Variants in CTNNA3 observed in about 807,000 individuals in gnomAD.
The protein encoded by CTNNA3 is catenin alpha-3.
Under a neutral mutation model 95.7 loss-of-function variants are expected in CTNNA3, and 76 were observed. The observed-to-expected ratio is 0.79, with a 90% CI of 0.66 to 0.96. The LOEUF (loss-of-function observed/expected upper bound fraction) is 0.96. Among genes scored for constraint, CTNNA3 ranks in the 40% least tolerant of loss-of-function variants. The pLI is 0.00. For missense variants in CTNNA3, 1,191 were observed against 1,089.8 expected (o/e 1.09, Z -1.31); for synonymous variants, 431 against 374.4 (o/e 1.15, Z -1.74).
chr10:67,685,651 G>C (rs1373287823), intron 1 of CTNNA3, among the ~76,000 whole-genome samples: 1 of 152,214 alleles, frequency 6.6e-6, no homozygotes, highest in Non-Finnish European at 1.5e-5. Flanking sequence ...GGTGGTATTT[G>C]AGTGTTATAG....
intron 9 of CTNNA3, among the ~76,000 whole-genome samples, chr10:66,666,785 G>A (rs1368436775): frequency 1.4e-5 from 2 of 144,462 alleles, no homozygotes; most frequent in African/African-American, 5.2e-5. Context: ...CCAAGAGGCT[G>A]AAAACTGGTT....
At chr10:67,726,431 T>TATATAA (rs1564841137) in intron 1 of CTNNA3, among the ~76,000 whole-genome samples, 4 of 5,318 alleles carry the variant, frequency 7.5e-4, no homozygotes, top group Non-Finnish European at 1.3e-3. Context: ...ATATATTATA[T>TATATAA]CATATATAAT....
chr10:66,895,914 CAAAAA>C (rs869248195), intron 7 of CTNNA3, among the ~76,000 whole-genome samples: 7 of 80,200 alleles, frequency 8.7e-5, no homozygotes, highest in Admixed American at 2.7e-4. Context: ...CCTGTCTCTA[CAAAAA>C]AAAAAAAAAA....
intron 9 of CTNNA3, among the ~76,000 whole-genome samples, chr10:66,659,294 A>T (rs182693726): frequency 5.9e-5 from 9 of 152,196 alleles, no homozygotes; most frequent in Non-Finnish European, 7.4e-5. Flanking sequence ...ATAGAAACTG[A>T]CTAGGTATTT....
intron 7 of CTNNA3, among the ~76,000 whole-genome samples, chr10:66,914,130 C>CTTTTT (rs3056545): frequency 8.3e-6 from 1 of 120,270 alleles, no homozygotes. Context: ...AGGGTGCCTT[C>CTTTTT]TTTTTTTTTT....
intron 15 of CTNNA3, among the ~76,000 whole-genome samples, chr10:66,005,432 A>G (rs2078860080): frequency 6.6e-6 from 1 of 152,208 alleles, no homozygotes; most frequent in East Asian, 1.9e-4. Context: ...ATTTTTTAAC[A>G]TGACCTATAT....
At position 67,724,894 on chromosome 10, in the gene CTNNA3, T is replaced by C. The variant is rs546867075; in HGVS notation, c.-2+38540A>G. Among the ~76,000 whole-genome samples, 5 of 152,270 alleles carry C rather than the reference T, an allele frequency of 3.3e-5. No homozygotes were observed. In the East Asian group the frequency reaches 7.7e-4, roughly 23 times the overall value. On this transcript the variant is annotated intron_variant, in intron 1 of 17. Coordinates refer to the CTNNA3 transcript ENST00000684154. Reference sequence around the variant, plus strand: ...AGGAAAGTTTCCAAATACATATTTATACAACAACTTGCCAGTGCTCACGTA... The same window carrying C: ...AGGAAAGTTTCCAAATACATATTTACACAACAACTTGCCAGTGCTCACGTA...
chr10:67,504,296 C>G (rs1451535904), intron 5 of CTNNA3, among the ~76,000 whole-genome samples: 6 of 149,272 alleles, frequency 4.0e-5, no homozygotes, highest in African/African-American at 1.2e-4. Flanking sequence ...ACTAAAAATA[C>G]AAAAAAATTG....
chr10:67,265,490 G>T (rs75217723), intron 5 of CTNNA3, among the ~76,000 whole-genome samples: 2,366 of 152,152 alleles, frequency 0.016, 67 homozygotes, highest in African/African-American at 0.052. Flanking sequence ...TTTAAAAGGG[G>T]AATAAAGATA....
At chr10:67,524,682 ATAAT>A (rs1840090114) in intron 4 of CTNNA3, among the ~76,000 whole-genome samples, 1 of 152,136 alleles carries the variant, frequency 6.6e-6, no homozygotes, top group African/African-American at 2.4e-5. Context: ...GCTTACAACA[ATAAT>A]TAATTGTCAA....
chr10:67,429,427 A>C (rs1401851041), intron 5 of CTNNA3, among the ~76,000 whole-genome samples: 1 of 152,010 alleles, frequency 6.6e-6, no homozygotes, highest in African/African-American at 2.4e-5. Flanking sequence ...AAAGACCCAG[A>C]GTTCTGTTTT....
At chr10:66,523,483 A>G (rs543477023) in intron 10 of CTNNA3, among the ~76,000 whole-genome samples, 14 of 152,330 alleles carry the variant, frequency 9.2e-5, no homozygotes, top group African/African-American at 2.9e-4. Context: ...TTTAGGGCAG[A>G]AAAATGTTCA....
chr10:66,293,557 C>G (rs1274229055), intron 12 of CTNNA3, among the ~76,000 whole-genome samples: 1 of 151,992 alleles, frequency 6.6e-6, no homozygotes, highest in Non-Finnish European at 1.5e-5. Flanking sequence ...TCTAACATGA[C>G]TAGTAGTGAG....
At chr10:67,626,121 C>G (rs1297713174) in intron 2 of CTNNA3, among the ~76,000 whole-genome samples, 1 of 150,858 alleles carries the variant, frequency 6.6e-6, no homozygotes, top group Non-Finnish European at 1.5e-5. Context: ...ATCAAGGCTG[C>G]TATGAGCCAT....
intron 11 of CTNNA3, among the ~76,000 whole-genome samples, chr10:66,418,248 T>C (rs534612336): frequency 1.3e-5 from 2 of 151,636 alleles, no homozygotes; most frequent in Admixed American, 6.6e-5. Flanking sequence ...GAAAACTGTA[T>C]ACTAACAAAC....
At position 66,359,574 on chromosome 10, in the gene CTNNA3, G is replaced by GGGAAT. The variant is rs2092637314; in HGVS notation, c.1732+19577_1732+19578insATTCC. 2.0e-5 allele frequency among the ~76,000 whole-genome samples: 3 copies of GGGAAT among 152,154 alleles called. No individual in the cohort carries two copies. In the South Asian group the frequency reaches 6.2e-4, roughly 32 times the overall value. ...CTACAATTTGAGTATCCTGATTTCT[G>GGGAAT]GATTAAATCATTCCCAGACAATAGC... On this transcript the variant is annotated intron_variant, in intron 12 of 17. Coordinates refer to ENST00000433211, the MANE Select transcript of CTNNA3 (RefSeq NM_013266.4).
intron 10 of CTNNA3, among the ~76,000 whole-genome samples, chr10:66,578,784 CTTTTTT>C (rs71035156): frequency 7.0e-6 from 1 of 143,240 alleles, no homozygotes; most frequent in South Asian, 2.2e-4. Flanking sequence ...ATTTTTCTTT[CTTTTTT>C]TTTTTTTGTT....
intron 10 of CTNNA3, among the ~76,000 whole-genome samples, chr10:66,545,044 T>C (rs1841993971): frequency 6.6e-6 from 1 of 152,074 alleles, no homozygotes; most frequent in Admixed American, 6.5e-5. Flanking sequence ...TACACTTATG[T>C]ATGAATCTTA....
chr10:66,079,123 C>A (rs566753405), intron 14 of CTNNA3: 2 of 152,040 alleles, frequency 1.3e-5, no homozygotes, highest in South Asian at 4.1e-4. Context: ...CACCTTCATC[C>A]TATTATTGTA....
Sources: gnomAD v4.1 joint callset for allele counts (sites outside exome capture counted in the v4.1 genomes callset) on GRCh38, gnomAD v4.1.1 for gene constraint, MANE v1.5 for transcripts, NCBI Gene and HGNC (gene_info 2026-07-23, HGNC 2026-07-21) for gene names.